The following MFGE8 variants were observed in gnomAD, a reference collection of about 807,000 sequenced individuals.
MFGE8 encodes lactadherin.
MFGE8 carries 34 observed loss-of-function variants against 42.6 expected under a neutral mutation model. That is an observed-to-expected ratio of 0.80 (90% CI 0.61 to 1.06). MFGE8 has a LOEUF of 1.06. Ranked by LOEUF, MFGE8 falls within the 50% of genes least tolerant of loss-of-function variation. The pLI, the probability that MFGE8 is intolerant of heterozygous loss-of-function variation, is 0.00. For missense variants in MFGE8, 510 were observed against 516.9 expected (o/e 0.99, Z 0.13); for synonymous variants, 230 against 214.8 (o/e 1.07, Z -0.62).
At chr15:88,913,149 A>AGG (rs766729796) in intron 1 of MFGE8, 98 bp downstream of exon 1, 188 of 1,434,430 alleles carry the variant, frequency 1.3e-4, no homozygotes, top group Non-Finnish European at 1.6e-4. Context: ...GCTTTGTCTA[A>AGG]GTTTGTCAAC....
chr15:88,909,608 T>C (rs915571833), intron 2 of MFGE8, among the ~76,000 whole-genome samples, 184 bp downstream of exon 2: 3 of 152,142 alleles, frequency 2.0e-5, no homozygotes, highest in Admixed American at 6.5e-5. Context: ...ACAGGACCCT[T>C]TTCCCCCCTC....
chr15:88,901,985 A>G (rs1293977119), intron 5 of MFGE8: 3 of 507,462 alleles, frequency 5.9e-6, no homozygotes, highest in African/African-American at 5.8e-5. Flanking sequence ...CCCACTCACC[A>G]CCCTTCTCCT....
chr15:88,906,740 C>T lies in MFGE8; in HGVS notation c.426G>A (p.Val142=), dbSNP rs1898698274. 3.7e-6 allele frequency: 6 copies of T among 1,613,472 alleles called. No individual in the cohort carries two copies. The East Asian group carries it at 1.3e-4, about 36-fold the overall frequency. The change falls in exon 4 of 8, where the codon GTG becomes GTA. Residue 142 remains valine, a synonymous_variant. Coordinates refer to ENST00000268150, the MANE Select transcript of MFGE8 (RefSeq NM_005928.4). This position sits in a 1 kb window ranked among gnomAD's most constrained non-coding sequence, Gnocchi z 4.2. Reference sequence around the variant, plus strand: ...TGGCCAAGCGGCTGGCACCCTGCGTCACCACACCTGTTACCCACATCCTCC... The same window carrying T: ...TGGCCAAGCGGCTGGCACCCTGCGTTACCACACCTGTTACCCACATCCTCC... ...LLRRMWVTGV[V]TQGASRLASH...
chr15:88,905,591 G>A lies in MFGE8; in HGVS notation c.685+166C>T, dbSNP rs1898632202. ...AGACAGCAAACACCTGGGTGGGGCT[G>A]CTATGGCCAGGTGACCCCCTAGAGT... On this transcript the variant is annotated intron_variant, in intron 5 of 7. Transcript: ENST00000268150. This position sits in a 1 kb window ranked among gnomAD's most constrained non-coding sequence, Gnocchi z 6.6. The A allele has an allele frequency of 3.4e-6, 3 of 870,650 alleles. No homozygotes were observed. The highest frequency in any genetic ancestry group is 2.1e-4 in the Middle Eastern group (1 of 4,730). 53.9% of individuals were successfully genotyped at this position (870,650 alleles called of 1,614,324 possible). A position where few individuals can be genotyped will look rare whatever the true frequency, so the allele number is the denominator to read the frequency against.
At chr15:88,901,045 A>G (rs947561347) in intron 6 of MFGE8, among the ~76,000 whole-genome samples, 2 of 150,318 alleles carry the variant, frequency 1.3e-5, no homozygotes, top group African/African-American at 4.9e-5. Flanking sequence ...ATTCACACAC[A>G]TTCACACATA....
intron 3 of MFGE8, 143 bp downstream of exon 3, chr15:88,907,052 C>T: frequency 8.9e-7 from 1 of 1,122,130 alleles, no homozygotes; most frequent in African/African-American, 1.5e-5. Flanking sequence ...ATGCCATCCA[C>T]TTACAGATAC....
rs1898536572 is a variant in MFGE8 at position 88,903,724 on chromosome 15, A to T, written c.686-1989T>A. On this transcript the variant is annotated intron_variant, in intron 5 of 7. Coordinates refer to ENST00000268150, the MANE Select transcript of MFGE8 (RefSeq NM_005928.4). The surrounding 1 kb of genome is among the most constrained non-coding windows in gnomAD (Gnocchi z 4.9). ...AAGCTGGTCTTGATCTCCTGACCTC[A>T]GGTGATCCGCTCGCCTCGGCCTCCC... 6.6e-6 allele frequency: 1 copy of T among 152,236 alleles called. No homozygotes were observed. The highest frequency in any genetic ancestry group is 2.1e-4 in the South Asian group (1 of 4,830). The allele number at this position is 152,236 out of a possible 1,614,324, so 9.4% of individuals were successfully genotyped here.
intron 1 of MFGE8, 127 bp from the exon 2 acceptor site, chr15:88,910,050 C>A (rs1898887256): frequency 1.7e-6 from 2 of 1,210,482 alleles, no homozygotes; most frequent in Non-Finnish European, 1.2e-6. Flanking sequence ...TCTTCCTCTC[C>A]CTCTTCCCCC....
rs773710818 is a variant in MFGE8, at chr15:88,909,758, T to C, written c.205+34A>G. 14 of 1,613,106 alleles carry C rather than the reference T, an allele frequency of 8.7e-6. No homozygotes were observed. The Admixed American group carries it at 2.3e-4, about 27-fold the overall frequency. ...AGGGCTGTGGCTCAGGGTCTACTGC[T>C]AGAAACAGGCAACAAGCACCCCCAC... On this transcript the variant is annotated intron_variant, in intron 2 of 7. Transcript: ENST00000268150.
chr15:88,912,031 A>T, intron 1 of MFGE8: 1 of 1,027,198 alleles, frequency 9.7e-7, no homozygotes, highest in Non-Finnish European at 1.3e-6. Flanking sequence ...TTCCCTCCCA[A>T]CTGCACCGGC....
intron 5 of MFGE8, chr15:88,904,094 C>T (rs1020046059): frequency 6.6e-6 from 1 of 152,292 alleles, no homozygotes; most frequent in Non-Finnish European, 1.5e-5. Context: ...TCTCATCAGC[C>T]TCTAGCTTTT....
At position 88,912,110 on chromosome 15, in the gene MFGE8, C is replaced by T. The variant is rs1025486358; in HGVS notation, c.73+1137G>A. The T allele has an allele frequency of 3.1e-6, 4 of 1,289,564 alleles. No homozygotes were observed. In the African/African-American group the frequency reaches 4.6e-5, roughly 15 times the overall value. The allele number at this position is 1,289,564 out of a possible 1,614,324, so 79.9% of individuals were successfully genotyped here. Reference sequence around the variant, plus strand: ...AAGGGAAAGGGAAAGGTGTACTCTACCCAGCCACGTTACCTGTGTGTAAGA... The same window carrying T: ...AAGGGAAAGGGAAAGGTGTACTCTATCCAGCCACGTTACCTGTGTGTAAGA... On this transcript the variant is annotated intron_variant, in intron 1 of 7. Transcript: ENST00000268150.
chr15:88,904,450 G>A (rs967250481), intron 5 of MFGE8: 1 of 152,190 alleles, frequency 6.6e-6, no homozygotes, highest in African/African-American at 2.4e-5. Context: ...AAGCAGACAG[G>A]GTACCTGGGC....
chr15:88,899,631 G>T lies in MFGE8; in HGVS notation c.1026+25C>A, dbSNP rs745315389. On this transcript the variant is annotated intron_variant, in intron 7 of 7. Coordinates refer to ENST00000268150, the MANE Select transcript of MFGE8 (RefSeq NM_005928.4). The surrounding 1 kb of genome is among the most constrained non-coding windows in gnomAD (Gnocchi z 6.8). Reference sequence around the variant, plus strand: ...GGGAAGTAATGAAGGAATGGCAAAGGGTGGGCAGCTGGACAGACACCCACC... The same window carrying T: ...GGGAAGTAATGAAGGAATGGCAAAGTGTGGGCAGCTGGACAGACACCCACC... The T allele has an allele frequency of 3.7e-6, 6 of 1,614,022 alleles. No individual in the cohort carries two copies. In the Admixed American group the frequency reaches 1.0e-4, roughly 27 times the overall value.
rs1465027815 is a variant in MFGE8 at position 88,901,128 on chromosome 15, C to T, written c.870+423G>A. Among the ~76,000 whole-genome samples the T allele has an allele frequency of 1.9e-5, 2 of 105,908 alleles. 1 individual carries two copies. The highest frequency in any genetic ancestry group is 2.0e-4 in the Admixed American group (2 of 9,888). 69.5% of individuals were successfully genotyped at this position (105,908 alleles called of 152,430 possible). On this transcript the variant is annotated intron_variant, in intron 6 of 7. Coordinates refer to ENST00000268150, the MANE Select transcript of MFGE8 (RefSeq NM_005928.4). ...ACACATTCACACATACACATTCACA[C>T]ACACACATTCACACACACATTCTCA...
At position 88,906,534 on chromosome 15, in the gene MFGE8, G is replaced by C. The variant is rs554741848; in HGVS notation, c.540+92C>G. On this transcript the variant is annotated intron_variant, in intron 4 of 7. Transcript: ENST00000268150. The surrounding 1 kb of genome is among the most constrained non-coding windows in gnomAD (Gnocchi z 4.2). Reference sequence around the variant, plus strand: ...ACCCACATCATAGCCAATCACCTAGGGTTCTCTGGACTCGCTGGGGGTCCT... The same window carrying C: ...ACCCACATCATAGCCAATCACCTAGCGTTCTCTGGACTCGCTGGGGGTCCT... The C allele has an allele frequency of 7.2e-4, 1,059 of 1,464,636 alleles. 3 individuals carry two copies. Among genetic ancestry groups the C allele is most frequent in the Non-Finnish European group, 9.5e-4 (996 of 1,045,394 alleles). The allele number at this position is 1,464,636 out of a possible 1,614,324, so 90.7% of individuals were successfully genotyped here.
chr15:88,911,564 T>C (rs1898956644), intron 1 of MFGE8, among the ~76,000 whole-genome samples: 1 of 151,512 alleles, frequency 6.6e-6, no homozygotes. Flanking sequence ...CTACTAAAAA[T>C]ACAAAAAATT....
intron 6 of MFGE8, among the ~76,000 whole-genome samples, chr15:88,900,304 G>C (rs1898302388): frequency 6.6e-6 from 1 of 151,580 alleles, no homozygotes; most frequent in Non-Finnish European, 1.5e-5. Flanking sequence ...TGCCACACAT[G>C]GTGTTCGGTA....
chr15:88,913,186 C>G (rs536856415), intron 1 of MFGE8, 61 bp downstream of exon 1: 47 of 1,476,570 alleles, frequency 3.2e-5, no homozygotes, highest in Non-Finnish European at 4.0e-5. Context: ...GGGCGCCGGG[C>G]AAACTTCCGA....
Sources: gnomAD v4.1 joint callset for allele counts (sites outside exome capture counted in the v4.1 genomes callset) on GRCh38, gnomAD v4.1.1 for gene constraint, Gnocchi (gnomAD v3.1) non-coding constraint, MANE v1.5 for transcripts, NCBI Gene and HGNC (gene_info 2026-07-23, HGNC 2026-07-21) for gene names.